CNTNAP5: variants seen among roughly 807,000 people sequenced by gnomAD.
CNTNAP5 encodes the protein contactin-associated protein-like 5.
In CNTNAP5, 72 loss-of-function variants were observed where a neutral mutation model predicts 150.2. The observed-to-expected ratio is 0.48, with a 90% CI of 0.40 to 0.58. The LOEUF (loss-of-function observed/expected upper bound fraction) is 0.58. Ranked by LOEUF, CNTNAP5 falls within the 20% of genes least tolerant of loss-of-function variation. CNTNAP5 has a pLI of 0.00. For synonymous variants in CNTNAP5, 672 were observed against 619.8 expected, an observed-to-expected ratio of 1.08 and a Z score of -1.25; for missense variants, 1,636 against 1,626.2, an observed-to-expected ratio of 1.01 and a Z score of -0.10.
intron 1 of CNTNAP5, among the ~76,000 whole-genome samples, chr2:124,049,260 C>A (rs17270902): frequency 6.6e-6 from 1 of 152,104 alleles, no homozygotes; most frequent in Admixed American, 6.5e-5. Context: ...CTATTCATTG[C>A]CATCAGGAAG....
At chr2:124,624,192 A>G (rs1281709240) in intron 12 of CNTNAP5, among the ~76,000 whole-genome samples, 1 of 152,214 alleles carries the variant, frequency 6.6e-6, no homozygotes, top group Non-Finnish European at 1.5e-5. Context: ...CTACTAAGTC[A>G]TAAAGCTGTA....
chr2:124,752,719 A>G (rs1680753791), intron 14 of CNTNAP5, among the ~76,000 whole-genome samples: 1 of 152,190 alleles, frequency 6.6e-6, no homozygotes. Context: ...TTCAATCTCT[A>G]GGAGTCCTCC....
intron 1 of CNTNAP5, among the ~76,000 whole-genome samples, chr2:124,061,988 C>T (rs755583426): frequency 1.3e-5 from 2 of 152,146 alleles, no homozygotes; most frequent in African/African-American, 2.4e-5. Flanking sequence ...TTCTTCTACA[C>T]GCTGCTGGAT....
At chr2:124,113,625 G>T (rs967697448) in intron 1 of CNTNAP5, among the ~76,000 whole-genome samples, 23 of 151,508 alleles carry the variant, frequency 1.5e-4, no homozygotes, top group African/African-American at 5.1e-4. Context: ...CTTACTGTGT[G>T]TTTGTTCATT....
chr2:124,116,715 T>C (rs1461314100), intron 1 of CNTNAP5, among the ~76,000 whole-genome samples: 1 of 152,212 alleles, frequency 6.6e-6, no homozygotes, highest in African/African-American at 2.4e-5. Flanking sequence ...ATTTGTCTAT[T>C]AGTAATTTCC....
intron 1 of CNTNAP5, among the ~76,000 whole-genome samples, chr2:124,154,818 C>G (rs2104639522): frequency 6.6e-6 from 1 of 152,208 alleles, no homozygotes; most frequent in African/African-American, 2.4e-5. Context: ...TCACTATAAT[C>G]AGATGAGGAA....
chr2:124,067,292 A>G (rs999136895), intron 1 of CNTNAP5, among the ~76,000 whole-genome samples: 1 of 152,156 alleles, frequency 6.6e-6, no homozygotes, highest in Non-Finnish European at 1.5e-5. Context: ...AATCAGTACC[A>G]TGGGTCAGAA....
At chr2:124,887,356 GT>G (rs1339100477) in intron 21 of CNTNAP5, among the ~76,000 whole-genome samples, 1 of 152,052 alleles carries the variant, frequency 6.6e-6, no homozygotes, top group Non-Finnish European at 1.5e-5. Context: ...TGGTAGACAT[GT>G]TTTCAATTCA....
chr2:124,582,874 G>T (rs12618822), intron 11 of CNTNAP5, among the ~76,000 whole-genome samples: 2 of 152,008 alleles, frequency 1.3e-5, no homozygotes, highest in Non-Finnish European at 2.9e-5. Context: ...GTGTTTGATT[G>T]CTTCCTTATA....
intron 19 of CNTNAP5, among the ~76,000 whole-genome samples, chr2:124,846,247 C>T (rs1304073389): frequency 1.3e-5 from 2 of 151,942 alleles, no homozygotes; most frequent in Non-Finnish European, 2.9e-5. Flanking sequence ...GAATTTTCAT[C>T]TTGATTTCAT....
At chr2:124,627,656 C>T (rs1677756970) in intron 12 of CNTNAP5, among the ~76,000 whole-genome samples, 1 of 152,164 alleles carries the variant, frequency 6.6e-6, no homozygotes, top group African/African-American at 2.4e-5. Flanking sequence ...CAAAATGCCT[C>T]TTCTCCTCCA....
chr2:124,067,901 GT>G (rs1682201251), intron 1 of CNTNAP5, among the ~76,000 whole-genome samples: 1 of 152,054 alleles, frequency 6.6e-6, no homozygotes, highest in African/African-American at 2.4e-5. Flanking sequence ...TGAAATAACA[GT>G]ATTACATTTA....
At chr2:124,350,792 G>A (rs1400619700) in intron 3 of CNTNAP5, among the ~76,000 whole-genome samples, 1 of 152,102 alleles carries the variant, frequency 6.6e-6, no homozygotes, top group Non-Finnish European at 1.5e-5. Context: ...CTTGGACCCA[G>A]AATGTACATA....
chr2:124,486,935 T>G (rs1004431598), intron 7 of CNTNAP5, among the ~76,000 whole-genome samples: 7 of 152,210 alleles, frequency 4.6e-5, no homozygotes, highest in African/African-American at 1.7e-4. Flanking sequence ...TACATGAAGA[T>G]TTACTGTAAT....
chr2:124,789,689 G>A (rs1182284924), intron 17 of CNTNAP5, among the ~76,000 whole-genome samples: 1 of 152,104 alleles, frequency 6.6e-6, no homozygotes, highest in East Asian at 1.9e-4. Context: ...GTTTGCTAAA[G>A]ATAGTGGCCT....
chr2:124,399,095 A>C (rs919462795), intron 3 of CNTNAP5, among the ~76,000 whole-genome samples: 3 of 152,086 alleles, frequency 2.0e-5, no homozygotes. Context: ...TTATTCCATT[A>C]TTCTTCTTGT....
At chr2:124,886,049 A>G (rs1476172602) in intron 21 of CNTNAP5, among the ~76,000 whole-genome samples, 1 of 152,018 alleles carries the variant, frequency 6.6e-6, no homozygotes, top group Non-Finnish European at 1.5e-5. Flanking sequence ...GGAATCAATC[A>G]AGGAAATTGT....
In CNTNAP5 at chr2:124,199,447, C is replaced by T. The variant is rs543781789; in HGVS notation, c.83-22258C>T. Among the ~76,000 whole-genome samples, 18 of 99,850 alleles carry T rather than the reference C, an allele frequency of 1.8e-4. No individual in the cohort carries two copies. In the South Asian group the frequency reaches 6.0e-3, roughly 33 times the overall value. 65.5% of individuals were successfully genotyped at this position (99,850 alleles called of 152,430 possible). ...TTTTTTTTTTTGAGACGGAGTTTCA[C>T]TCTTGTTGCCCAGGCTGGAGTGCAA... On this transcript the variant is annotated intron_variant, in intron 1 of 23. Coordinates refer to ENST00000682447, the MANE Select transcript of CNTNAP5 (RefSeq NM_001367498.1).
At chr2:124,445,206 G>C (rs1342616303) in intron 5 of CNTNAP5, among the ~76,000 whole-genome samples, 1 of 150,912 alleles carries the variant, frequency 6.6e-6, no homozygotes, top group African/African-American at 2.4e-5. Context: ...TCTCCTGCCT[G>C]AGCCTCCCAA....
Sources: allele counts gnomAD v4.1 joint callset (sites outside exome capture counted in the v4.1 genomes callset), GRCh38; gene constraint gnomAD v4.1.1; transcripts MANE v1.5; gene names NCBI Gene and HGNC (gene_info 2026-07-23, HGNC 2026-07-21).